SYNPR: variants seen among roughly 807,000 people sequenced by gnomAD.
SYNPR encodes synaptoporin.
A neutral mutation model predicts 32.9 loss-of-function variants in SYNPR; 23 were observed. The observed-to-expected ratio is 0.70, with a 90% CI of 0.50 to 0.99. SYNPR has a LOEUF of 0.99. Ranked by LOEUF, SYNPR falls within the 50% of genes least tolerant of loss-of-function variation. The pLI is 0.00. For missense variants in SYNPR, 318 were observed against 349.3 expected, an observed-to-expected ratio of 0.91 and a Z score of 0.71; for synonymous variants, 146 against 135.9, an observed-to-expected ratio of 1.07 and a Z score of -0.52.
chr3:63,503,788 A>G (rs1701530545), intron 3 of SYNPR, among the ~76,000 whole-genome samples: 1 of 152,138 alleles, frequency 6.6e-6, no homozygotes, highest in African/African-American at 2.4e-5. Context: ...TACCAAATAC[A>G]CAACAAATAA....
intron 3 of SYNPR, among the ~76,000 whole-genome samples, chr3:63,492,203 G>C (rs1701269053): frequency 6.6e-6 from 1 of 152,104 alleles, no homozygotes; most frequent in South Asian, 2.1e-4. Flanking sequence ...GAAGCCAGTT[G>C]GACAGGATCA....
At chr3:63,486,439 C>G (rs1701152301) in intron 3 of SYNPR, among the ~76,000 whole-genome samples, 2 of 152,200 alleles carry the variant, frequency 1.3e-5, no homozygotes, top group South Asian at 4.1e-4. Context: ...GAATCACCCA[C>G]AGTGCAAACC....
intron 3 of SYNPR, among the ~76,000 whole-genome samples, chr3:63,519,882 G>A (rs1701872868): frequency 6.6e-6 from 1 of 152,108 alleles, no homozygotes; most frequent in Non-Finnish European, 1.5e-5. Context: ...AAAAAAGAAA[G>A]TATAAATTAT....
At chr3:63,303,480 G>A (rs1392500935) in intron 2 of SYNPR, among the ~76,000 whole-genome samples, 2 of 151,942 alleles carry the variant, frequency 1.3e-5, no homozygotes, top group East Asian at 1.9e-4. Flanking sequence ...AATAGTATGT[G>A]AACCATGTGT....
At chr3:63,235,125 C>T (rs904455820) in intron 1 of SYNPR, among the ~76,000 whole-genome samples, 1 of 152,036 alleles carries the variant, frequency 6.6e-6, no homozygotes, top group Non-Finnish European at 1.5e-5. Flanking sequence ...ACAATGTTAC[C>T]ACCTGGGTAG....
chr3:63,241,810 TG>T (rs2086246140), intron 1 of SYNPR, among the ~76,000 whole-genome samples: 2 of 152,080 alleles, frequency 1.3e-5, no homozygotes, highest in African/African-American at 4.8e-5. Flanking sequence ...CAATTTTAGT[TG>T]GGTTTTTTGT....
chr3:63,302,956 T>G (rs941537275), intron 2 of SYNPR, among the ~76,000 whole-genome samples: 1 of 151,934 alleles, frequency 6.6e-6, no homozygotes, highest in South Asian at 2.1e-4. Flanking sequence ...GTGATGGATA[T>G]CCCAAATATA....
intron 2 of SYNPR, among the ~76,000 whole-genome samples, chr3:63,388,556 TTGTGTGTG>T (rs749669898): frequency 0.017 from 2,132 of 128,060 alleles, 62 homozygotes; most frequent in African/African-American, 0.056. Flanking sequence ...CCCGGCTAAT[TTGTGTGTG>T]TGTGTGTGTG....
intron 2 of SYNPR, among the ~76,000 whole-genome samples, chr3:63,264,166 A>G (rs1040628767): frequency 2.0e-5 from 3 of 152,194 alleles, no homozygotes; most frequent in African/African-American, 7.2e-5. Flanking sequence ...CACATAGTTC[A>G]GAATGTATAG....
intron 2 of SYNPR, among the ~76,000 whole-genome samples, chr3:63,301,083 T>C (rs1356677693): frequency 6.6e-6 from 1 of 152,166 alleles, no homozygotes; most frequent in African/African-American, 2.4e-5. Flanking sequence ...TTTCTTCCCC[T>C]ACTTTTGAGT....
Position 63,338,740 on chromosome 3 carries a change from T to C in SYNPR, c.84+59998T>C, listed in dbSNP as rs183065967. 3.9e-4 allele frequency among the ~76,000 whole-genome samples: 60 copies of C among 152,336 alleles called. 2 individuals carry two copies. Among genetic ancestry groups the C allele is most frequent in the African/African-American group, 1.4e-3 (57 of 41,600 alleles). ...TGACCCACGATCTGAACACATACTC[T>C]AGAGACAAATACCATGCTGTCCCCA... On this transcript the variant is annotated intron_variant, in intron 2 of 5. Transcript: ENST00000478300.
chr3:63,222,479 C>T, the SYNPR span, among the ~76,000 whole-genome samples: 1 of 152,038 alleles, frequency 6.6e-6, no homozygotes, highest in East Asian at 1.9e-4. Flanking sequence ...AGGATAGTAC[C>T]ATTATTTTTC....
At chr3:63,431,135 A>C (rs1466591338) in intron 2 of SYNPR, among the ~76,000 whole-genome samples, 2 of 152,214 alleles carry the variant, frequency 1.3e-5, no homozygotes, top group African/African-American at 4.8e-5. Context: ...TTGGCTCATT[A>C]ACCTAGTGGA....
chr3:63,208,297 G>A, the SYNPR span, among the ~76,000 whole-genome samples: 1 of 152,150 alleles, frequency 6.6e-6, no homozygotes, highest in Non-Finnish European at 1.5e-5. Flanking sequence ...TAAATTGTTT[G>A]GGAAAGATTA....
chr3:63,351,564 G>T (rs530968297), intron 2 of SYNPR: 9 of 152,318 alleles, frequency 5.9e-5, no homozygotes, highest in African/African-American at 2.2e-4. Context: ...AAATTTGGGA[G>T]CAGTGGGTGA....
chr3:63,292,933 G>T (rs111476251), intron 2 of SYNPR, among the ~76,000 whole-genome samples: 1 of 152,190 alleles, frequency 6.6e-6, no homozygotes, highest in Admixed American at 6.5e-5. Context: ...AGAGTGTCAA[G>T]TTCTAGATCA....
At chr3:63,252,631 G>A (rs1194149834) in intron 2 of SYNPR, 6 of 152,204 alleles carry the variant, frequency 3.9e-5, no homozygotes, top group Non-Finnish European at 7.4e-5. Context: ...AGAACAAGGA[G>A]GCATGATTTG....
At chr3:63,572,789 T>C (rs1702911817) in intron 4 of SYNPR, among the ~76,000 whole-genome samples, 1 of 152,182 alleles carries the variant, frequency 6.6e-6, no homozygotes, top group African/African-American at 2.4e-5. Context: ...TTATGAAAAC[T>C]TGATATTCTG....
chr3:63,258,063 C>A (rs929306593), intron 2 of SYNPR, among the ~76,000 whole-genome samples: 3 of 152,062 alleles, frequency 2.0e-5, no homozygotes, highest in Non-Finnish European at 4.4e-5. Flanking sequence ...GCACCCAGAT[C>A]CATAAAGCAA....
Sources: allele counts gnomAD v4.1 joint callset (sites outside exome capture counted in the v4.1 genomes callset), GRCh38; gene constraint gnomAD v4.1.1; transcripts MANE v1.5; gene names NCBI Gene and HGNC (gene_info 2026-07-23, HGNC 2026-07-21).